LINGO2: variants seen among roughly 807,000 people sequenced by gnomAD.
LINGO2 encodes the protein leucine rich repeat and Ig domain containing 2.
A neutral mutation model predicts 30.6 loss-of-function variants in LINGO2; 14 were observed. The ratio of observed to expected loss-of-function variants is 0.46; its 90% confidence interval spans 0.30 to 0.72. The LOEUF is 0.72. Ranked by LOEUF, LINGO2 falls within the 30% of genes least tolerant of loss-of-function variation. LINGO2 has a pLI of 0.07. For synonymous variants in LINGO2, 317 were observed against 288.5 expected, an observed-to-expected ratio of 1.10 and a Z score of -1.00; for missense variants, 729 against 751.7, an observed-to-expected ratio of 0.97 and a Z score of 0.35.
chr9:28,770,194 T>G, the LINGO2 span, among the ~76,000 whole-genome samples: 1 of 152,324 alleles, frequency 6.6e-6, no homozygotes, highest in East Asian at 1.9e-4. Flanking sequence ...GTCTGAAACA[T>G]TCCAGTCCCT....
chr9:28,734,915 A>G, the LINGO2 span, among the ~76,000 whole-genome samples: 19 of 152,252 alleles, frequency 1.2e-4, no homozygotes, highest in South Asian at 3.7e-3. Flanking sequence ...TTTTTTGTAG[A>G]GACTATTTCA....
At chr9:28,996,975 T>C in the LINGO2 span, among the ~76,000 whole-genome samples, 1 of 152,228 alleles carries the variant, frequency 6.6e-6, no homozygotes, top group Non-Finnish European at 1.5e-5. Flanking sequence ...TGCCAACATG[T>C]ATTCCTTCTC....
chr9:29,048,608 G>C, the LINGO2 span, among the ~76,000 whole-genome samples: 2 of 152,030 alleles, frequency 1.3e-5, no homozygotes, highest in Non-Finnish European at 2.9e-5. Flanking sequence ...GCATGTTACT[G>C]ACATAAAAAC....
rs149651789 is a variant in LINGO2, at chr9:28,344,793, C to T, written c.-246+28043G>A. Among the ~76,000 whole-genome samples, 350 of 152,136 alleles carry T rather than the reference C, an allele frequency of 2.3e-3. 4 individuals are homozygous for T. The highest frequency in any genetic ancestry group is 8.1e-3 in the African/African-American group (335 of 41,548). On this transcript the variant is annotated intron_variant, in intron 3 of 5. Coordinates refer to ENST00000379992, the Ensembl canonical transcript of LINGO2. ...GATTTAAGAAATTATACCATCCATCCCATTGTCCATCATTTAGCTTAGCTA... is the reference window on the plus strand; with the variant it reads ...GATTTAAGAAATTATACCATCCATCTCATTGTCCATCATTTAGCTTAGCTA...
At chr9:28,245,040 G>A (rs946195024) in intron 4 of LINGO2, among the ~76,000 whole-genome samples, 3 of 152,122 alleles carry the variant, frequency 2.0e-5, no homozygotes, top group Non-Finnish European at 2.9e-5. Context: ...GATCACCATA[G>A]ATGTAAAAAT....
At chr9:27,977,571 A>C (rs967658687) in intron 5 of LINGO2, among the ~76,000 whole-genome samples, 1 of 152,032 alleles carries the variant, frequency 6.6e-6, no homozygotes, top group Non-Finnish European at 1.5e-5. Flanking sequence ...TTGACTGCAT[A>C]TCCTCAGAAG....
intron 1 of LINGO2, among the ~76,000 whole-genome samples, chr9:28,494,815 C>A (rs1819536152): frequency 6.6e-6 from 1 of 152,176 alleles, no homozygotes. Context: ...AATGGTTGAA[C>A]AACTTTACAG....
chr9:29,195,940 T>G, the LINGO2 span, among the ~76,000 whole-genome samples: 2 of 152,116 alleles, frequency 1.3e-5, no homozygotes, highest in African/African-American at 4.8e-5. Context: ...GCATCTAGAA[T>G]GGTACTAGTT....
chr9:28,817,468 T>C, the LINGO2 span, among the ~76,000 whole-genome samples: 4 of 152,194 alleles, frequency 2.6e-5, no homozygotes, highest in Non-Finnish European at 4.4e-5. Flanking sequence ...TCATCTAAGC[T>C]TCTCTCTGCA....
At chr9:28,765,972 A>C in the LINGO2 span, among the ~76,000 whole-genome samples, 1 of 152,096 alleles carries the variant, frequency 6.6e-6, no homozygotes, top group African/African-American at 2.4e-5. Flanking sequence ...AGACCTAAAC[A>C]CAAGACCTAA....
intron 3 of LINGO2, among the ~76,000 whole-genome samples, chr9:28,333,364 G>C: frequency 6.6e-6 from 1 of 152,002 alleles, no homozygotes; most frequent in Non-Finnish European, 1.5e-5. Context: ...AATTGTCTAA[G>C]GACACATCAG....
At chr9:28,378,210 T>C (rs1288481147) in intron 2 of LINGO2, among the ~76,000 whole-genome samples, 2 of 152,190 alleles carry the variant, frequency 1.3e-5, no homozygotes, top group African/African-American at 2.4e-5. Context: ...AAAGGTATCC[T>C]AACCTGTCCA....
At chr9:28,458,580 G>T (rs1824945996) in intron 2 of LINGO2, among the ~76,000 whole-genome samples, 2 of 152,004 alleles carry the variant, frequency 1.3e-5, no homozygotes, top group African/African-American at 4.8e-5. Flanking sequence ...CAAAAACTTG[G>T]TCATCCTCTC....
rs78436407 is a variant in LINGO2, at chr9:28,620,195, C to T, written c.-365+50005G>A. On this transcript the variant is annotated intron_variant, in intron 1 of 5. Coordinates refer to ENST00000379992, the Ensembl canonical transcript of LINGO2. ...TAAATACTCTGCATTGTTTTCTTCC[C>T]AGGTGATTCAAGCTGCAAGATAGAT... Among the ~76,000 whole-genome samples the T allele has an allele frequency of 9.5e-3, 1,444 of 152,110 alleles. 29 individuals are homozygous for T. The highest frequency in any genetic ancestry group is 0.082 in the East Asian group (425 of 5,164).
At chr9:28,557,647 G>A (rs1429926352) in intron 1 of LINGO2, among the ~76,000 whole-genome samples, 1 of 151,618 alleles carries the variant, frequency 6.6e-6, no homozygotes, top group African/African-American at 2.4e-5. Flanking sequence ...CCATTACTGG[G>A]TATATACCCA....
the LINGO2 span, among the ~76,000 whole-genome samples, chr9:28,842,072 C>T: frequency 6.6e-6 from 1 of 150,942 alleles, no homozygotes; most frequent in South Asian, 2.1e-4. Context: ...TGAAACTGAA[C>T]TAAGACAAAT....
chr9:28,749,616 T>C, the LINGO2 span, among the ~76,000 whole-genome samples: 1 of 152,154 alleles, frequency 6.6e-6, no homozygotes, highest in African/African-American at 2.4e-5. Context: ...AATTATCTCA[T>C]AATAGTATTT....
chr9:27,971,981 T>C (rs1303432818), intron 5 of LINGO2, among the ~76,000 whole-genome samples: 1 of 152,214 alleles, frequency 6.6e-6, no homozygotes, highest in Non-Finnish European at 1.5e-5. Flanking sequence ...ACTATCCTTA[T>C]AAGATTGAAA....
the LINGO2 span, among the ~76,000 whole-genome samples, chr9:29,060,247 C>A: frequency 6.6e-6 from 1 of 151,966 alleles, no homozygotes; most frequent in African/African-American, 2.4e-5. Context: ...TGAGCCACTA[C>A]AGACCAGAGA....
Sources: allele counts gnomAD v4.1 joint callset (sites outside exome capture counted in the v4.1 genomes callset), GRCh38; gene constraint gnomAD v4.1.1; transcripts MANE v1.5; gene names NCBI Gene and HGNC (gene_info 2026-07-23, HGNC 2026-07-21).